TBCD: variants seen among roughly 807,000 people sequenced by gnomAD.
TBCD encodes the protein tubulin folding cofactor D, also known as tubulin-specific chaperone D.
A neutral mutation model predicts 169.3 loss-of-function variants in TBCD; 105 were observed. That is an observed-to-expected ratio of 0.62 (90% CI 0.53 to 0.73). TBCD has a LOEUF of 0.73. Among genes scored for constraint, TBCD ranks in the 30% least tolerant of loss-of-function variants. The pLI is 0.00. For missense variants in TBCD, 1,444 were observed against 1,600.1 expected, an observed-to-expected ratio of 0.90 and a Z score of 1.66; for synonymous variants, 700 against 643.9, an observed-to-expected ratio of 1.09 and a Z score of -1.32.
intron 7 of TBCD, among the ~76,000 whole-genome samples, chr17:82,785,206 A>AG (rs1491309194): frequency 1.0e-5 from 1 of 98,256 alleles, no homozygotes; most frequent in Non-Finnish European, 2.1e-5. Context: ...TCGCAGCGAC[A>AG]GGGGGTCCAT....
In TBCD at chr17:82,828,417, C is replaced by T. The variant is rs558216658; in HGVS notation, c.1318+13483C>T. Among the ~76,000 whole-genome samples the T allele has an allele frequency of 1.8e-3, 273 of 150,406 alleles. 1 individual carries two copies. The highest frequency in any genetic ancestry group is 6.2e-3 in the African/African-American group (255 of 40,874). ...ACACCCAATCGAATGCACACACACC[C>T]GCAGATATGTACACGTGGACACGCA... On this transcript the variant is annotated intron_variant, in intron 13 of 38. Transcript: ENST00000355528.
chr17:82,889,988 C>G lies in TBCD; in HGVS notation c.1563+291C>G, dbSNP rs902174734. Among the ~76,000 whole-genome samples, 1 of 152,186 alleles carries G rather than the reference C, an allele frequency of 6.6e-6. No individual in the cohort carries two copies. Among genetic ancestry groups the G allele is most frequent in the Non-Finnish European group, 1.5e-5 (1 of 68,020 alleles). On this transcript the variant is annotated intron_variant, in intron 16 of 38. Coordinates refer to ENST00000355528, the MANE Select transcript of TBCD (RefSeq NM_005993.5). This position sits in a 1 kb window ranked among gnomAD's most constrained non-coding sequence, Gnocchi z 5.3. ...GGGTGGGGCGGGTCCCTGGGACCAG[C>G]CTGGCCTTGCGGGGACGCAGACCTG...
chr17:82,909,661 C>T (rs1463188601), intron 22 of TBCD, among the ~76,000 whole-genome samples: 4 of 147,326 alleles, frequency 2.7e-5, no homozygotes, highest in Non-Finnish European at 5.9e-5. Context: ...GTGGGAGGCG[C>T]GTGAGGGTCT....
At chr17:82,908,303 A>G (rs911669297) in intron 21 of TBCD, 4 of 456,880 alleles carry the variant, frequency 8.8e-6, no homozygotes, top group Non-Finnish European at 1.8e-5. Context: ...CCAGCCGTGC[A>G]TCTGCAGCTG....
chr17:82,760,273 C>T (rs530492825), intron 2 of TBCD, among the ~76,000 whole-genome samples: 31 of 152,268 alleles, frequency 2.0e-4, no homozygotes, highest in African/African-American at 6.3e-4. Flanking sequence ...GGATGAACTC[C>T]GGAATTATTT....
At chr17:82,785,029 C>CG (rs2049208201) in intron 7 of TBCD, among the ~76,000 whole-genome samples, 1 of 104,674 alleles carries the variant, frequency 9.6e-6, no homozygotes, top group Non-Finnish European at 1.9e-5. Flanking sequence ...CACTGGATCC[C>CG]ACCCATCGCA....
At chr17:82,931,974 T>G (rs2062248818) in intron 33 of TBCD, 1 of 153,062 alleles carries the variant, frequency 6.5e-6, no homozygotes, top group Non-Finnish European at 1.5e-5. Context: ...TGTCTTCATT[T>G]TTTTCTGTTC....
chr17:82,909,353 G>A, intron 22 of TBCD, 46 bp downstream of exon 22: 1 of 1,477,396 alleles, frequency 6.8e-7, no homozygotes, highest in Non-Finnish European at 9.2e-7. Flanking sequence ...TCCTAATGAA[G>A]AACTGCGCTG....
chr17:82,792,063 A>G (rs1260842187), intron 7 of TBCD, among the ~76,000 whole-genome samples: 1 of 152,224 alleles, frequency 6.6e-6, no homozygotes, highest in African/African-American at 2.4e-5. Flanking sequence ...TAATCCCAGC[A>G]CTTTGGGAGG....
chr17:82,921,345 A>G (rs2061409565), intron 24 of TBCD, 156 bp from the exon 25 acceptor site: 1 of 665,972 alleles, frequency 1.5e-6, no homozygotes, highest in African/African-American at 1.8e-5. Context: ...TAGACTTAAC[A>G]CAACGTGGAG....
intron 13 of TBCD, among the ~76,000 whole-genome samples, chr17:82,842,217 C>T (rs753732040): frequency 6.6e-6 from 1 of 152,214 alleles, no homozygotes; most frequent in African/African-American, 2.4e-5. Context: ...CCAGTGAGGC[C>T]TTTGAGAATC....
intron 7 of TBCD, among the ~76,000 whole-genome samples, chr17:82,796,355 T>G (rs2050108055): frequency 6.6e-6 from 1 of 152,252 alleles, no homozygotes; most frequent in Non-Finnish European, 1.5e-5. Context: ...GATTTTATAT[T>G]TCACACAAAC....
intron 18 of TBCD, among the ~76,000 whole-genome samples, chr17:82,902,177 C>T (rs1445382192): frequency 6.6e-6 from 1 of 152,174 alleles, no homozygotes; most frequent in Non-Finnish European, 1.5e-5. Flanking sequence ...CGGAACGGCC[C>T]TCATTGTCTC....
In TBCD at chr17:82,855,432, A is replaced by G. The variant is rs1001833051; in HGVS notation, c.1319-14792A>G. On this transcript the variant is annotated intron_variant, in intron 13 of 38. Transcript: ENST00000355528. ...TGGGTGCATGCTACCGTGCCCGGCT[A>G]ATTTTTTTTATCTTTTGAAGAGATG... is the stretch of plus-strand genomic sequence containing the variant. 4.6e-5 allele frequency among the ~76,000 whole-genome samples: 7 copies of G among 151,086 alleles called. No individual in the cohort carries two copies. The East Asian group carries it at 5.9e-4, about 13-fold the overall frequency.
intron 13 of TBCD, among the ~76,000 whole-genome samples, chr17:82,836,946 G>A (rs1009214462): frequency 6.6e-6 from 1 of 152,204 alleles, no homozygotes; most frequent in Admixed American, 6.5e-5. Flanking sequence ...GGTGGTGAGA[G>A]TGTTTGGAGC....
At chr17:82,924,825 G>A (rs1244519335) in intron 26 of TBCD, 114 bp from the exon 27 acceptor site, 1 of 777,320 alleles carries the variant, frequency 1.3e-6, no homozygotes, top group Non-Finnish European at 2.0e-6. Context: ...GGGAACCTCA[G>A]GCGGCTCCTC....
intron 3 of TBCD, among the ~76,000 whole-genome samples, chr17:82,765,678 A>G (rs1265608891): frequency 2.0e-5 from 3 of 152,242 alleles, no homozygotes; most frequent in Non-Finnish European, 2.9e-5. Context: ...ACTGAGCTTC[A>G]GGGAAGTGTT....
chr17:82,772,385 CTG>C (rs1184841466), intron 5 of TBCD, 65 bp from the exon 6 acceptor site: 12 of 1,548,648 alleles, frequency 7.7e-6, no homozygotes, highest in African/African-American at 4.1e-5. Flanking sequence ...GGACTGGTGA[CTG>C]TGTGGTGTCC....
intron 32 of TBCD, chr17:82,929,702 G>A (rs549185902): frequency 1.3e-6 from 1 of 743,324 alleles, no homozygotes; most frequent in South Asian, 1.6e-5. Flanking sequence ...GGTTGAGTCT[G>A]ATGAAGGTGG....
Sources: allele counts gnomAD v4.1 joint callset (sites outside exome capture counted in the v4.1 genomes callset), GRCh38; gene constraint gnomAD v4.1.1; non-coding constraint Gnocchi (gnomAD v3.1); transcripts MANE v1.5; gene names NCBI Gene and HGNC (gene_info 2026-07-23, HGNC 2026-07-21).